The following RGL2 variants were observed in gnomAD, a reference collection of about 807,000 sequenced individuals.
RGL2 encodes the protein ral guanine nucleotide dissociation stimulator-like 2.
Under a neutral mutation model 84.6 loss-of-function variants are expected in RGL2, and 40 were observed. The ratio of observed to expected loss-of-function variants is 0.47; its 90% CI spans 0.37 to 0.62. The LOEUF is 0.62. Among genes scored for constraint, RGL2 ranks in the 20% least tolerant of loss-of-function variants. The probability of loss-of-function intolerance (pLI) is 0.00; values close to 1 mark genes in which losing one functional copy is unlikely to be tolerated. For synonymous variants in RGL2, 369 were observed against 417.3 expected (o/e 0.88, Z 1.41); for missense variants, 865 against 1,019.7 (o/e 0.85, Z 2.07).
Position 33,294,198 on chromosome 6 carries a change from T to A in RGL2, c.1354-132A>T. 1 of 1,063,756 alleles carries A rather than the reference T, an allele frequency of 9.4e-7. No individual in the cohort carries two copies. Among genetic ancestry groups the A allele is most frequent in the South Asian group, 1.5e-5 (1 of 66,886 alleles). 65.9% of individuals were successfully genotyped at this position (1,063,756 alleles called of 1,614,324 possible). On this transcript the variant is annotated intron_variant, in intron 11 of 17. Transcript: ENST00000497454. This position sits in a 1 kb window ranked among gnomAD's most constrained non-coding sequence, Gnocchi z 5.0. ...ACTTCCCTCCAGCCTCTCTGACTCT[T>A]CGATCCCTCCCTGCCTTCCTCCTCA...
rs538301282 is a variant in RGL2, at chr6:33,297,313, C to A, written c.157-198G>T. The A allele has an allele frequency of 9.1e-4, 470 of 515,904 alleles. No homozygotes were observed. In the Middle Eastern group the frequency reaches 0.012, roughly 13 times the overall value. The allele number at this position is 515,904 out of a possible 1,614,324, so 32.0% of individuals were successfully genotyped here. On this transcript the variant is annotated intron_variant, in intron 2 of 17. Transcript: ENST00000497454. The surrounding 1 kb of genome is among the most constrained non-coding windows in gnomAD (Gnocchi z 4.0). ...TGGGGCCCAGACAGCCCCACCCCAG[C>A]CGCCTCAGGGCCCCGGTGGAGTCGA...
In RGL2 at chr6:33,292,503, G is replaced by T; in HGVS notation, c.2049C>A (p.Val683=). ...QDKAPSVISR[V]LKKNNRDSAV... is the part of the protein sequence containing the mutation. ...CAGAGTCACGATTGTTTTTCTTAAG[G>T]ACACGACTGATGACACTTGGAGCCT... The change falls in exon 17 of 18, where the codon GTC becomes GTA. Residue 683 remains valine (V), a synonymous_variant. Transcript: ENST00000497454. 2 of 1,614,048 alleles carry T rather than the reference G, an allele frequency of 1.2e-6. No homozygotes were observed. The highest frequency in any genetic ancestry group is 1.7e-6 in the Non-Finnish European group (2 of 1,180,010).
chr6:33,293,711 G>A lies in RGL2; in HGVS notation c.1509-12C>T, dbSNP rs1233395960. 18 of 1,613,772 alleles carry A rather than the reference G, an allele frequency of 1.1e-5. No homozygotes were observed. The highest frequency in any genetic ancestry group is 1.7e-5 in the Admixed American group (1 of 59,984). On this transcript the variant is annotated splice_polypyrimidine_tract_variant and intron_variant, in intron 13 of 17. Transcript: ENST00000497454. The surrounding 1 kb of genome is among the most constrained non-coding windows in gnomAD (Gnocchi z 7.0). ...AGGATACACGATGGCTGGGTTAGGG[G>A]GGCAATAGGCAGAGCTCAGGACATG...
rs1767976923 is a variant in RGL2, at chr6:33,296,516, C to T, written c.420-52G>A. 1 of 1,587,092 alleles carries T rather than the reference C, an allele frequency of 6.3e-7. No individual in the cohort carries two copies. The highest frequency in any genetic ancestry group is 1.8e-5 in the Admixed American group (1 of 56,764). ...TCCATTTTTCCCAAACCCTCAGTGGCTTTGACTATTTTGGTGGGATGTTGC... is the reference window on the plus strand; with the variant it reads ...TCCATTTTTCCCAAACCCTCAGTGGTTTTGACTATTTTGGTGGGATGTTGC... On this transcript the variant is annotated intron_variant, in intron 4 of 17. Transcript: ENST00000497454. The surrounding 1 kb of genome is among the most constrained non-coding windows in gnomAD (Gnocchi z 5.0).
At chr6:33,301,257 C>T (rs1032114132), upstream of RGL2, 4 of 155,746 alleles carry the variant, frequency 2.6e-5, no homozygotes, top group African/African-American at 9.7e-5. Context: ...AGGTGAATGC[C>T]ATAAGATGTG....
rs1160524982 is a variant in RGL2 at position 33,296,588 on chromosome 6, T to C, written c.419+10A>G. 1.2e-6 allele frequency: 2 copies of C among 1,610,720 alleles called. No homozygotes were observed. The highest frequency in any genetic ancestry group is 3.3e-5 in the Admixed American group (2 of 59,764). The stretch of plus-strand genomic sequence containing the variant: ...ATACTCCACTACCCTGCGTCCCTTA[T>C]GACTCTGACCTGTCAGCCATAAGCC... On this transcript the variant is annotated intron_variant, in intron 4 of 17. Transcript: ENST00000497454. The surrounding 1 kb of genome is among the most constrained non-coding windows in gnomAD (Gnocchi z 5.0).
upstream of RGL2, among the ~76,000 whole-genome samples, chr6:33,299,484 C>T (rs1768360147): frequency 6.6e-6 from 1 of 152,080 alleles, no homozygotes; most frequent in Non-Finnish European, 1.5e-5. This position sits in a 1 kb window ranked among gnomAD's most constrained non-coding sequence, Gnocchi z 5.0. Context: ...CTCTCAGAGG[C>T]TTCCGGCGCC....
At position 33,294,770 on chromosome 6, in the gene RGL2, CAG is replaced by C; in HGVS notation, c.1279-10_1279-9del. 1 of 1,613,788 alleles carries C rather than the reference CAG, an allele frequency of 6.2e-7. No individual in the cohort carries two copies. The highest frequency in any genetic ancestry group is 8.5e-7 in the Non-Finnish European group (1 of 1,179,880). On this transcript the variant is annotated splice_polypyrimidine_tract_variant and intron_variant, in intron 10 of 17. Transcript: ENST00000497454. The surrounding 1 kb of genome is among the most constrained non-coding windows in gnomAD (Gnocchi z 5.0). Reference sequence around the variant, plus strand: ...AAGGTATGGGACCACACCCTGAAGTCAGGGGTCAGGGTCAGAAGTGCCTGCCA... The same window carrying C: ...AAGGTATGGGACCACACCCTGAAGTCGGGTCAGGGTCAGAAGTGCCTGCCA...
In RGL2 at chr6:33,292,202, C is replaced by G; in HGVS notation, c.2234G>C (p.Ser745Thr). 6.2e-7 allele frequency: 1 copy of G among 1,614,252 alleles called. No individual in the cohort carries two copies. Among genetic ancestry groups the G allele is most frequent in the Non-Finnish European group, 8.5e-7 (1 of 1,180,048 alleles). Residue 745 changes from serine (S) to threonine (T), a missense_variant, in exon 18 of 18, where the codon AGT (serine) becomes ACT (threonine). Around this residue, in one of 5 missense-constraint regions of RGL2, gnomAD observed 302 missense variants for 327.9 expected, o/e 0.92. Coordinates refer to ENST00000497454, the MANE Select transcript of RGL2 (RefSeq NM_004761.5). ...AGGAGTTCCTGAGGCAGACGGGCCA[C>G]TGGTGACGCCAGGTGTAGCAGTAGA... ...RSSTATPGVT[S>T]GPSASGTPPS...
At chr6:33,300,476 A>G (rs1203357892), upstream of RGL2, 1 of 151,024 alleles carries the variant, frequency 6.6e-6, no homozygotes, top group African/African-American at 2.4e-5. Context: ...CCTGGCTAAC[A>G]CGGTGAAACC....
In RGL2 at chr6:33,294,595, G is replaced by T; in HGVS notation, c.1353+93C>A. 1.5e-6 allele frequency: 2 copies of T among 1,365,944 alleles called. No individual in the cohort carries two copies. The highest frequency in any genetic ancestry group is 1.4e-5 in the African/African-American group (1 of 70,048). The allele number at this position is 1,365,944 out of a possible 1,614,324, so 84.6% of individuals were successfully genotyped here. On this transcript the variant is annotated intron_variant, in intron 11 of 17. Transcript: ENST00000497454. The surrounding 1 kb of genome is among the most constrained non-coding windows in gnomAD (Gnocchi z 5.0). ...CTCTGTCCCACACTCAGCTATTTGT[G>T]CCTTACAGCCCCTTGCAAGGGGCGG...
At position 33,296,114 on chromosome 6, in the gene RGL2, G is replaced by A; in HGVS notation, c.682C>T (p.Leu228Phe). 1 of 1,613,984 alleles carries A rather than the reference G, an allele frequency of 6.2e-7. No individual in the cohort carries two copies. The highest frequency in any genetic ancestry group is 8.5e-7 in the Non-Finnish European group (1 of 1,180,002). ...GGGTCAGCAGGGGGATCGCCGGGGA[G>A]GGCCAGGGGCTTAGGAAGGTCGGGG... ...QAPDLPKPLA[L>F]PGDPPADPTD... The change falls in exon 6 of 18, where the codon CTC (leucine) becomes TTC (phenylalanine). Residue 228 changes from leucine to phenylalanine, a missense_variant. By Grantham distance (22) the Leu-to-Phe change is conservative (BLOSUM62 0). Transcript: ENST00000497454. The surrounding 1 kb of genome is among the most constrained non-coding windows in gnomAD (Gnocchi z 5.0).
rs1253184360 is a variant in RGL2 at position 33,295,990 on chromosome 6, G to T, written c.768+38C>A. 7 of 1,610,506 alleles carry T rather than the reference G, an allele frequency of 4.3e-6. No homozygotes were observed. The highest frequency in any genetic ancestry group is 5.9e-6 in the Non-Finnish European group (7 of 1,177,854). Reference sequence around the variant, plus strand: ...CTGGAGTCAAGGAGAGGTTAGTAAGGGGTCAGGGGGCATAGGGGCCAGAGG... The same window carrying T: ...CTGGAGTCAAGGAGAGGTTAGTAAGTGGTCAGGGGGCATAGGGGCCAGAGG... On this transcript the variant is annotated intron_variant, in intron 6 of 17. Transcript: ENST00000497454. This position sits in a 1 kb window ranked among gnomAD's most constrained non-coding sequence, Gnocchi z 7.2.
In RGL2 at chr6:33,295,908, T is replaced by A; in HGVS notation, c.768+120A>T. 1.4e-6 allele frequency: 2 copies of A among 1,444,046 alleles called. No homozygotes were observed. The highest frequency in any genetic ancestry group is 1.9e-6 in the Non-Finnish European group (2 of 1,048,716). 89.5% of individuals were successfully genotyped at this position (1,444,046 alleles called of 1,614,324 possible). On this transcript the variant is annotated intron_variant, in intron 6 of 17. Coordinates refer to ENST00000497454, the MANE Select transcript of RGL2 (RefSeq NM_004761.5). This position sits in a 1 kb window ranked among gnomAD's most constrained non-coding sequence, Gnocchi z 7.2. Reference sequence around the variant, plus strand: ...CAAAGGGAAAAGGGGAGAATCAAAATGGTAGGTGGAGGAGGCTAGGAGCTG... The same window carrying A: ...CAAAGGGAAAAGGGGAGAATCAAAAAGGTAGGTGGAGGAGGCTAGGAGCTG...
In RGL2 at chr6:33,294,379, T is replaced by C. The variant is rs1017550388; in HGVS notation, c.1353+309A>G. Among the ~76,000 whole-genome samples the C allele has an allele frequency of 6.6e-6, 1 of 152,164 alleles. No individual in the cohort carries two copies. The highest frequency in any genetic ancestry group is 1.9e-4 in the East Asian group (1 of 5,180). ...GGAACTTGTCCAAGGTCTCAGTATT[T>C]GTTTATTTAACAAACTCTAGCAATA... On this transcript the variant is annotated intron_variant, in intron 11 of 17. Transcript: ENST00000497454. The surrounding 1 kb of genome is among the most constrained non-coding windows in gnomAD (Gnocchi z 5.0).
Position 33,298,796 on chromosome 6 carries a change from A to C in RGL2, c.-42+74T>G. ...GGAGGGGGCAACAGAAGGGTGGAAT[A>C]GGGGGGCCCTTGGTGCTGTTGGGGA... On this transcript the variant is annotated intron_variant, in intron 1 of 17. Coordinates refer to ENST00000497454, the MANE Select transcript of RGL2 (RefSeq NM_004761.5). The surrounding 1 kb of genome is among the most constrained non-coding windows in gnomAD (Gnocchi z 4.8). 4 of 303,156 alleles carry C rather than the reference A, an allele frequency of 1.3e-5. No homozygotes were observed. Among genetic ancestry groups the C allele is most frequent in the East Asian group, 5.3e-5 (1 of 18,836 alleles). The allele number at this position is 303,156 out of a possible 1,614,324, so 18.8% of individuals were successfully genotyped here.
Position 33,296,957 on chromosome 6 carries a change from G to T in RGL2, c.240+75C>A, listed in dbSNP as rs1024156544. The T allele has an allele frequency of 6.5e-7, 1 of 1,549,130 alleles. No homozygotes were observed. Reference sequence around the variant, plus strand: ...CTCCAGAACTCCAACCTAGCACTCTGGCCAGAAAGTCAGCCAGAGGAAGGA... The same window carrying T: ...CTCCAGAACTCCAACCTAGCACTCTTGCCAGAAAGTCAGCCAGAGGAAGGA... On this transcript the variant is annotated intron_variant, in intron 3 of 17. Transcript: ENST00000497454. The surrounding 1 kb of genome is among the most constrained non-coding windows in gnomAD (Gnocchi z 5.0).
rs866524158 is a variant in RGL2, at chr6:33,292,119, C to T, written c.2317G>A (p.Ala773Thr). ...PRIKATGRKI[A>T]RALF is the part of the protein sequence containing the mutation. ...CTTCCTCCTCAGAACAGTGCCCGTG[C>T]AATCTTCCTCCCTGTGGCCTTGATC... Residue 773 changes from alanine (A) to threonine (T), a missense_variant, in exon 18 of 18, where the codon GCA becomes ACA. By Grantham distance (58) the Ala-to-Thr change is moderately conservative. Transcript: ENST00000497454. 9.3e-6 allele frequency: 15 copies of T among 1,614,078 alleles called. No individual in the cohort carries two copies. The highest frequency in any genetic ancestry group is 6.7e-5 in the Admixed American group (4 of 60,008).
At position 33,294,824 on chromosome 6, in the gene RGL2, G is replaced by A. The variant is rs1385855365; in HGVS notation, c.1279-62C>T. The A allele has an allele frequency of 3.2e-6, 5 of 1,556,320 alleles. No homozygotes were observed. The highest frequency in any genetic ancestry group is 2.3e-5 in the East Asian group (1 of 43,794). ...TGACGTGAGGGCCCTCCATCCCTCCGCACTTGCCCTCCTCATTGCCTCAGA... is the reference window on the plus strand; with the variant it reads ...TGACGTGAGGGCCCTCCATCCCTCCACACTTGCCCTCCTCATTGCCTCAGA... On this transcript the variant is annotated intron_variant, in intron 10 of 17. Coordinates refer to ENST00000497454, the MANE Select transcript of RGL2 (RefSeq NM_004761.5). The surrounding 1 kb of genome is among the most constrained non-coding windows in gnomAD (Gnocchi z 5.0).
Sources: allele counts gnomAD v4.1 joint callset (sites outside exome capture counted in the v4.1 genomes callset), GRCh38; gene constraint gnomAD v4.1.1; regional missense constraint gnomAD v4.1.1; non-coding constraint Gnocchi (gnomAD v3.1); transcripts MANE v1.5; gene names NCBI Gene and HGNC (gene_info 2026-07-23, HGNC 2026-07-21).